CREB5: variants seen among roughly 807,000 people sequenced by gnomAD.
CREB5 encodes cyclic AMP-responsive element-binding protein 5.
Under a neutral mutation model 57.1 loss-of-function variants are expected in CREB5, and 19 were observed. The ratio of observed to expected loss-of-function variants is 0.33; its 90% CI spans 0.23 to 0.49. The LOEUF (loss-of-function observed/expected upper bound fraction) is 0.49. Ranked by LOEUF, CREB5 falls within the 20% of genes least tolerant of loss-of-function variation. The pLI is 0.99. For synonymous variants in CREB5, 238 were observed against 238.3 expected (o/e 1.00, Z 0.01); for missense variants, 579 against 671.6 (o/e 0.86, Z 1.52).
intron 9 of CREB5, among the ~76,000 whole-genome samples, chr7:28,814,677 T>TGGAA: frequency 6.6e-6 from 1 of 152,214 alleles, no homozygotes; most frequent in African/African-American, 2.4e-5. Context: ...AAATTCTTTC[T>TGGAA]GGAAGGAACT....
chr7:28,477,977 G>A (rs1791152692), intron 1 of CREB5, among the ~76,000 whole-genome samples: 1 of 152,058 alleles, frequency 6.6e-6, no homozygotes, highest in Non-Finnish European at 1.5e-5. Context: ...AGCTGGGTGT[G>A]GTGGTGCACA....
At chr7:28,803,646 A>G (rs901190127) in intron 7 of CREB5, among the ~76,000 whole-genome samples, 78 of 151,286 alleles carry the variant, frequency 5.2e-4, no homozygotes, top group African/African-American at 1.9e-3. Context: ...AATCCCAGCT[A>G]CTCAGAAGGC....
rs1003274321 is a variant in CREB5, at chr7:28,414,784, AT to A, written c.3+1878del. Among the ~76,000 whole-genome samples, 397 of 148,704 alleles carry A rather than the reference AT, an allele frequency of 2.7e-3. 1 individual carries two copies. The highest frequency in any genetic ancestry group is 7.7e-3 in the African/African-American group (315 of 40,768). ...CACAAATCATAGATTTAACATAGGAATTTTTTTTTTTATAAAAAGAGAGAAG... is the reference window on the plus strand; with the variant it reads ...CACAAATCATAGATTTAACATAGGAATTTTTTTTTTATAAAAAGAGAGAAG... On this transcript the variant is annotated intron_variant, in intron 1 of 10. Transcript: ENST00000357727.
At chr7:28,571,377 C>T (rs1240517342) in intron 5 of CREB5, among the ~76,000 whole-genome samples, 1 of 152,178 alleles carries the variant, frequency 6.6e-6, no homozygotes, top group African/African-American at 2.4e-5. Context: ...CTTGTAACTG[C>T]CTCCTTACTA....
At chr7:28,605,672 A>G (rs961146352) in intron 5 of CREB5, among the ~76,000 whole-genome samples, 3 of 152,176 alleles carry the variant, frequency 2.0e-5, no homozygotes, top group Non-Finnish European at 4.4e-5. Context: ...TGGTCTTGTT[A>G]TCAGAGTTGA....
chr7:28,801,273 T>C (rs1027432622), intron 7 of CREB5, among the ~76,000 whole-genome samples: 1 of 152,236 alleles, frequency 6.6e-6, no homozygotes, highest in African/African-American at 2.4e-5. Context: ...TATTATCTAA[T>C]ATTTTTGTAG....
At position 28,435,709 on chromosome 7, in the gene CREB5, A is replaced by G. The variant is rs1788933372; in HGVS notation, c.3+22792A>G. On this transcript the variant is annotated intron_variant, in intron 1 of 10. Coordinates refer to ENST00000357727, the MANE Select transcript of CREB5 (RefSeq NM_182898.4). ...TCAGGGTAAGTGGTGGGGTTGTATA[A>G]TACTCGTGTGACAGATGAACCAAAC... The G allele has an allele frequency of 5.2e-6, 5 of 970,786 alleles. No individual in the cohort carries two copies. The South Asian group carries it at 2.4e-4, about 46-fold the overall frequency. The allele number at this position is 970,786 out of a possible 1,614,324, so 60.1% of individuals were successfully genotyped here. A position where few individuals can be genotyped will look rare whatever the true frequency, so the allele number is the denominator to read the frequency against.
intron 5 of CREB5, among the ~76,000 whole-genome samples, chr7:28,712,996 G>A (rs1485402404): frequency 2.6e-5 from 4 of 152,040 alleles, no homozygotes; most frequent in African/African-American, 9.7e-5. Flanking sequence ...TGCCAAATTA[G>A]GCTACAAGAC....
At position 28,422,383 on chromosome 7, in the gene CREB5, G is replaced by A. The variant is rs1313801089; in HGVS notation, c.3+9466G>A. 5.3e-5 allele frequency among the ~76,000 whole-genome samples: 8 copies of A among 152,180 alleles called. No individual in the cohort carries two copies. The East Asian group carries it at 1.4e-3, about 26-fold the overall frequency. On this transcript the variant is annotated intron_variant, in intron 1 of 10. Transcript: ENST00000357727. ...GAAATTAGTGACCTCCCTGGCATGG[G>A]GTGTCAGAATTATTATAGGAAGAGT... is the stretch of plus-strand genomic sequence containing the variant.
intron 4 of CREB5, among the ~76,000 whole-genome samples, chr7:28,522,435 G>A (rs188324527): frequency 3.1e-5 from 4 of 127,184 alleles, no homozygotes; most frequent in East Asian, 5.2e-4. Flanking sequence ...TCACTCCGTC[G>A]CCCAGCCTGG....
intron 1 of CREB5, among the ~76,000 whole-genome samples, chr7:28,379,684 G>A (rs1203241072): frequency 6.6e-6 from 1 of 152,204 alleles, no homozygotes; most frequent in Non-Finnish European, 1.5e-5. Context: ...TGGTCTGGAT[G>A]TAGTTGGGCA....
intron 5 of CREB5, among the ~76,000 whole-genome samples, chr7:28,591,861 A>G (rs1362315706): frequency 2.0e-5 from 3 of 152,160 alleles, no homozygotes; most frequent in African/African-American, 7.2e-5. Context: ...CTTGGGACTC[A>G]TAGGCTCTCT....
At chr7:28,416,127 C>T (rs1436929197) in intron 1 of CREB5, among the ~76,000 whole-genome samples, 1 of 152,188 alleles carries the variant, frequency 6.6e-6, no homozygotes, top group African/African-American at 2.4e-5. Flanking sequence ...ATCCTGAATG[C>T]ACCTACTGCA....
chr7:28,795,941 A>G (rs1053966780), intron 7 of CREB5, among the ~76,000 whole-genome samples: 10 of 151,910 alleles, frequency 6.6e-5, no homozygotes, highest in Non-Finnish European at 1.5e-4. Flanking sequence ...TTTAGTAGAG[A>G]TGGGGTTTCA....
intron 1 of CREB5, among the ~76,000 whole-genome samples, chr7:28,398,814 C>A (rs188577985): frequency 2.0e-5 from 3 of 151,976 alleles, no homozygotes; most frequent in African/African-American, 7.3e-5. Context: ...GAGGCTCAAG[C>A]GATCCTCCCA....
intron 1 of CREB5, among the ~76,000 whole-genome samples, chr7:28,398,080 C>T (rs956594488): frequency 3.3e-5 from 5 of 152,068 alleles, no homozygotes; most frequent in East Asian, 1.9e-4. Flanking sequence ...GAAACTTTGT[C>T]GCCATTAAAC....
rs1300254444 is a variant in CREB5 at position 28,387,569 on chromosome 7, C to T, written c.-25+88128C>T. Among the ~76,000 whole-genome samples, 5 of 152,140 alleles carry T rather than the reference C, an allele frequency of 3.3e-5. No individual in the cohort carries two copies. The East Asian group carries it at 9.7e-4, about 29-fold the overall frequency. On this transcript the variant is annotated intron_variant, in intron 1 of 9. Transcript: ENST00000396299. ...GATAGTTTCTTTTGCTGTGCAGAAG[C>T]TCTTTAGTTTGATGAGAACACATGG...
At position 28,561,017 on chromosome 7, in the gene CREB5, CGT is replaced by C. The variant is rs1182301327; in HGVS notation, c.292-9342_292-9341del. The stretch of plus-strand genomic sequence containing the variant: ...GTGCCTGCGTGTGCGTGTGTGTGTG[CGT>C]GTGTGCGTGTGTGTGTGTGTGTGTG... On this transcript the variant is annotated intron_variant, in intron 4 of 10. Coordinates refer to ENST00000357727, the MANE Select transcript of CREB5 (RefSeq NM_182898.4). Among the ~76,000 whole-genome samples, 52 of 30,332 alleles carry C rather than the reference CGT, an allele frequency of 1.7e-3. 1 individual carries two copies. Among genetic ancestry groups the C allele is most frequent in the Middle Eastern group, 0.017 (1 of 60 alleles). The allele number at this position is 30,332 out of a possible 152,430, so 19.9% of individuals were successfully genotyped here.
chr7:28,406,734 G>C (rs1787589306), intron 1 of CREB5, among the ~76,000 whole-genome samples: 1 of 152,184 alleles, frequency 6.6e-6, no homozygotes, highest in African/African-American at 2.4e-5. Context: ...TGAAACTCTG[G>C]CTCTGAGAAA....
Sources: gnomAD v4.1 joint callset for allele counts (sites outside exome capture counted in the v4.1 genomes callset) on GRCh38, gnomAD v4.1.1 for gene constraint, MANE v1.5 for transcripts, NCBI Gene and HGNC (gene_info 2026-07-23, HGNC 2026-07-21) for gene names.